The following PPM1F variants were observed in gnomAD, a reference collection of about 807,000 sequenced individuals.
PPM1F encodes protein phosphatase, Mg2+/Mn2+ dependent 1F, also known as protein phosphatase 1F.
In PPM1F, 17 loss-of-function variants were observed where a neutral mutation model predicts 35.5. The ratio of observed to expected loss-of-function variants is 0.48; its 90% CI spans 0.33 to 0.72. The LOEUF (loss-of-function observed/expected upper bound fraction) is 0.72, where lower values mean the gene tolerates loss of function less well. Among genes scored for constraint, PPM1F ranks in the 30% least tolerant of loss-of-function variants. The pLI, the probability that PPM1F is intolerant of heterozygous loss-of-function variation, is 0.02. For missense variants in PPM1F, 521 were observed against 613.0 expected, an observed-to-expected ratio of 0.85 and a Z score of 1.59; for synonymous variants, 241 against 255.5, an observed-to-expected ratio of 0.94 and a Z score of 0.54.
chr22:21,938,751 C>T, intron 3 of PPM1F: 2 of 228,678 alleles, frequency 8.7e-6, no homozygotes, highest in Non-Finnish European at 1.5e-5. Context: ...GCCTGCGATT[C>T]TTACGCCCTG....
In PPM1F at chr22:21,945,929, C is replaced by T. The variant is rs2070772805; in HGVS notation, c.120G>A (p.Leu40=). 6.2e-7 allele frequency: 1 copy of T among 1,612,878 alleles called. No homozygotes were observed. Among genetic ancestry groups the T allele is most frequent in the Non-Finnish European group, 8.5e-7 (1 of 1,179,532 alleles). Residue 40 remains leucine (L), a synonymous_variant, in exon 2 of 8, where the codon CTG becomes CTA. Coordinates refer to ENST00000263212, the MANE Select transcript of PPM1F (RefSeq NM_014634.4). ...FPALLNPEDP[L]PWKAPGTVLS... ...GCACCGTCCCTGGGGCCTTCCATGG[C>T]AGAGGGTCCTCTGGGTTCAGCAGGG...
chr22:21,932,487 C>G (rs2070604255), intron 5 of PPM1F, among the ~76,000 whole-genome samples: 1 of 152,178 alleles, frequency 6.6e-6, no homozygotes, highest in African/African-American at 2.4e-5. Context: ...GACAAAAGTG[C>G]ACCTTTCCCC....
intron 7 of PPM1F, 73 bp downstream of exon 7, chr22:21,925,496 G>C (rs1431110284): frequency 7.4e-7 from 1 of 1,343,312 alleles, no homozygotes; most frequent in East Asian, 2.4e-5. Context: ...CCCCTGGTGA[G>C]CCGCGGGCCA....
intron 1 of PPM1F, chr22:21,948,503 G>C (rs893888713): frequency 2.0e-5 from 3 of 152,300 alleles, no homozygotes; most frequent in African/African-American, 7.2e-5. Flanking sequence ...CCCCAGCAGA[G>C]CTGTAAGGCA....
Position 21,923,433 on chromosome 22 carries a change from C to T in PPM1F, c.1024G>A (p.Asp342Asn), listed in dbSNP as rs1443956182. 5.0e-6 allele frequency: 8 copies of T among 1,612,562 alleles called. No individual in the cohort carries two copies. Among genetic ancestry groups the T allele is most frequent in the Admixed American group, 1.7e-5 (1 of 59,988 alleles). The change falls in exon 8 of 8, where the codon GAT becomes AAT. Residue 342 changes from aspartate to asparagine, a missense_variant. Asp to Asn is a conservative substitution (Grantham distance 23, BLOSUM62 1). Transcript: ENST00000263212. Reference sequence around the variant, plus strand: ...CCCGTCAGCGCCCGGGAAGCTGCATCGGCCTCCCCAGACACGTAGGGCTTC... The same window carrying T: ...CCCGTCAGCGCCCGGGAAGCTGCATTGGCCTCCCCAGACACGTAGGGCTTC... Reference protein sequence around the residue: ...FQKPYVSGEADAASRALTGSE... With the variant: ...FQKPYVSGEANAASRALTGSE...
intron 5 of PPM1F, among the ~76,000 whole-genome samples, chr22:21,932,325 T>G (rs907187807): frequency 6.6e-6 from 1 of 152,208 alleles, no homozygotes; most frequent in Non-Finnish European, 1.5e-5. Context: ...CAGAGGCCTT[T>G]GTCACTTCCT....
chr22:21,926,024 C>T (rs1021883012), intron 6 of PPM1F: 4 of 229,488 alleles, frequency 1.7e-5, no homozygotes, highest in Admixed American at 5.4e-5. Flanking sequence ...TCGGGGACAC[C>T]GTCTCTGCCC....
intron 3 of PPM1F, chr22:21,935,534 T>G (rs1008427506): frequency 6.6e-6 from 1 of 152,206 alleles, no homozygotes; most frequent in Non-Finnish European, 1.5e-5. Flanking sequence ...TTATTACAAC[T>G]GCATGTGCAG....
At chr22:21,946,183 C>T (rs2070775600) in intron 1 of PPM1F, 75 bp from the exon 2 acceptor site, 1 of 678,740 alleles carries the variant, frequency 1.5e-6, no homozygotes, top group Non-Finnish European at 2.3e-6. Flanking sequence ...CTGCAAGCAC[C>T]ATGTGGCAGG....
chr22:21,923,319 T>G lies in PPM1F; in HGVS notation c.1138A>C (p.Thr380Pro). 6.2e-7 allele frequency: 1 copy of G among 1,613,520 alleles called. No homozygotes were observed. The highest frequency in any genetic ancestry group is 8.5e-7 in the Non-Finnish European group (1 of 1,179,902). ...EVVGLVQSHL[T>P]RQQGSGLRVA... ...CGGAGCCCGCTGCCCTGCTGCCTGGTCAGGTGGCTCTGGACCAGGCCAACA... is the reference window on the plus strand; with the variant it reads ...CGGAGCCCGCTGCCCTGCTGCCTGGGCAGGTGGCTCTGGACCAGGCCAACA... The change falls in exon 8 of 8, where the codon ACC (threonine) becomes CCC (proline). Residue 380 changes from threonine (T) to proline (P), a missense_variant. Coordinates refer to ENST00000263212, the MANE Select transcript of PPM1F (RefSeq NM_014634.4).
intron 5 of PPM1F, chr22:21,932,676 C>A (rs889138526): frequency 6.6e-6 from 1 of 152,168 alleles, no homozygotes; most frequent in East Asian, 1.9e-4. Context: ...CATTTGTATT[C>A]TTTCTTCTTT....
chr22:21,923,558 G>T, intron 7 of PPM1F, 87 bp from the exon 8 acceptor site: 1 of 1,448,836 alleles, frequency 6.9e-7, no homozygotes, highest in Non-Finnish European at 9.3e-7. Flanking sequence ...CTCACATCCT[G>T]CAGGGACAGA....
chr22:21,951,699 G>C (rs1400918374), intron 1 of PPM1F: 1 of 152,160 alleles, frequency 6.6e-6, no homozygotes, highest in African/African-American at 2.4e-5. Context: ...AGAGGTTCAT[G>C]GCTTTCAGAA....
intron 7 of PPM1F, 37 bp from the exon 8 acceptor site, chr22:21,923,508 C>A (rs754459831): frequency 2.6e-6 from 4 of 1,558,888 alleles, no homozygotes; most frequent in Non-Finnish European, 3.5e-6. Context: ...CAGAGGACCA[C>A]GGTGTCCACA....
At position 21,923,481 on chromosome 22, in the gene PPM1F, C is replaced by T. The variant is rs371072792; in HGVS notation, c.986-10G>A. Reference sequence around the variant, plus strand: ...TTCTGGAAGACATCCCCTGGACAGGCGGAGAAGAGCCCGGGTCAGAGGACC... The same window carrying T: ...TTCTGGAAGACATCCCCTGGACAGGTGGAGAAGAGCCCGGGTCAGAGGACC... On this transcript the variant is annotated splice_polypyrimidine_tract_variant and intron_variant, in intron 7 of 7. Transcript: ENST00000263212. 36 of 1,589,548 alleles carry T rather than the reference C, an allele frequency of 2.3e-5. 2 individuals carry two copies. The Middle Eastern group carries it at 1.7e-3, about 76-fold the overall frequency.
At chr22:21,924,656 C>T (rs531867884) in intron 7 of PPM1F, among the ~76,000 whole-genome samples, 25 of 151,814 alleles carry the variant, frequency 1.6e-4, no homozygotes, top group East Asian at 3.9e-4. Context: ...CTGTAACCTC[C>T]GCCTCTGGGT....
intron 5 of PPM1F, among the ~76,000 whole-genome samples, chr22:21,933,020 C>T (rs2070611199): frequency 6.6e-6 from 1 of 152,102 alleles, no homozygotes. Context: ...GAGGCGTGGC[C>T]CCTCCTCTCA....
At chr22:21,938,641 A>G in intron 3 of PPM1F, 1 of 1,016,424 alleles carries the variant, frequency 9.8e-7, no homozygotes, top group Non-Finnish European at 1.2e-6. Flanking sequence ...AATGGCAAGG[A>G]AGGGAAAATC....
At chr22:21,942,994 C>T (rs2070741346) in intron 2 of PPM1F, 1 of 152,256 alleles carries the variant, frequency 6.6e-6, no homozygotes, top group Non-Finnish European at 1.5e-5. Flanking sequence ...ACACTCAAAT[C>T]ATTAGTGTAC....
Sources: gnomAD v4.1 joint callset for allele counts (sites outside exome capture counted in the v4.1 genomes callset) on GRCh38, gnomAD v4.1.1 for gene constraint, MANE v1.5 for transcripts, NCBI Gene and HGNC (gene_info 2026-07-23, HGNC 2026-07-21) for gene names.